Variants in LMBR1 observed in about 807,000 individuals in gnomAD.
The protein encoded by LMBR1 is limb development membrane protein 1.
A neutral mutation model predicts 73.9 loss-of-function variants in LMBR1; 52 were observed. That is an observed-to-expected ratio of 0.70 (90% CI 0.56 to 0.89). The LOEUF (loss-of-function observed/expected upper bound fraction) is 0.89, where lower values mean the gene tolerates loss of function less well. Ranked by LOEUF, LMBR1 falls within the 40% of genes least tolerant of loss-of-function variation. The probability of loss-of-function intolerance (pLI) is 0.00; values close to 1 mark genes in which losing one functional copy is unlikely to be tolerated. For synonymous variants in LMBR1, 215 were observed against 209.4 expected, an observed-to-expected ratio of 1.03 and a Z score of -0.23; for missense variants, 539 against 579.8, an observed-to-expected ratio of 0.93 and a Z score of 0.72.
chr7:156,725,648 G>T, intron 13 of LMBR1, 116 bp downstream of exon 13: 2 of 1,220,780 alleles, frequency 1.6e-6, no homozygotes, highest in Non-Finnish European at 2.3e-6. Context: ...AGTGCTTGAG[G>T]AAGACTAACC....
chr7:156,872,207 T>G (rs1799406698), intron 1 of LMBR1: 1 of 151,558 alleles, frequency 6.6e-6, no homozygotes, highest in African/African-American at 2.4e-5. Flanking sequence ...TTTTTGACAG[T>G]CTCCATGGAG....
intron 1 of LMBR1, among the ~76,000 whole-genome samples, chr7:156,891,289 T>C (rs112122409): frequency 1.7e-3 from 252 of 144,540 alleles, no homozygotes; most frequent in Non-Finnish European, 3.1e-3. Flanking sequence ...TATACACATA[T>C]ATATATTCAT....
chr7:156,819,201 A>G (rs1834376704), intron 4 of LMBR1, among the ~76,000 whole-genome samples: 1 of 152,264 alleles, frequency 6.6e-6, no homozygotes, highest in Admixed American at 6.5e-5. Flanking sequence ...CCAGAAAAGT[A>G]AAGTAGCATT....
At chr7:156,813,892 CCAGA>C (rs1833496604) in intron 4 of LMBR1, among the ~76,000 whole-genome samples, 1 of 151,958 alleles carries the variant, frequency 6.6e-6, no homozygotes, top group African/African-American at 2.4e-5. Context: ...TTTATCTTTT[CCAGA>C]CAAAGAATTG....
chr7:156,726,733 T>C (rs1305055518), intron 12 of LMBR1, among the ~76,000 whole-genome samples: 1 of 152,176 alleles, frequency 6.6e-6, no homozygotes, highest in East Asian at 1.9e-4. Flanking sequence ...ATTTGGGACC[T>C]GGTATTTGAG....
intron 1 of LMBR1, among the ~76,000 whole-genome samples, chr7:156,883,243 A>G (rs1801372839): frequency 6.6e-6 from 1 of 151,574 alleles, no homozygotes; most frequent in Non-Finnish European, 1.5e-5. Context: ...TACTGAAAAT[A>G]CAAAAATTAG....
rs890158579 is a variant in LMBR1 at position 156,893,131 on chromosome 7, G to C, written c.-138C>G. 4 of 803,116 alleles carry C rather than the reference G, an allele frequency of 5.0e-6. No homozygotes were observed. The South Asian group carries it at 1.1e-4, about 21-fold the overall frequency. The allele number at this position is 803,116 out of a possible 1,614,324, so 49.7% of individuals were successfully genotyped here. A position where few individuals can be genotyped will look rare whatever the true frequency, so the allele number is the denominator to read the frequency against. ...CGCGAGCCGTGTTGGAACAGGTACCGCGACCACGACACCGGCCGTCGCCTC... is the reference window on the plus strand; with the variant it reads ...CGCGAGCCGTGTTGGAACAGGTACCCCGACCACGACACCGGCCGTCGCCTC... On this transcript the variant is annotated 5_prime_UTR_variant, in exon 1 of 17. Coordinates refer to ENST00000353442, the MANE Select transcript of LMBR1 (RefSeq NM_022458.4).
chr7:156,828,522 G>A (rs991037191), intron 3 of LMBR1, among the ~76,000 whole-genome samples: 4 of 152,124 alleles, frequency 2.6e-5, no homozygotes, highest in African/African-American at 9.7e-5. Context: ...CAGGAAGACA[G>A]AACCTTTGTC....
intron 5 of LMBR1, among the ~76,000 whole-genome samples, chr7:156,789,370 A>G (rs1424092742): frequency 6.6e-6 from 1 of 152,192 alleles, no homozygotes; most frequent in African/African-American, 2.4e-5. Flanking sequence ...ACCAATAAAT[A>G]TTTAAGTCGT....
intron 8 of LMBR1, among the ~76,000 whole-genome samples, chr7:156,757,744 C>G (rs1045874329): frequency 6.6e-6 from 1 of 152,136 alleles, no homozygotes; most frequent in Admixed American, 6.5e-5. Flanking sequence ...TTTCAGAAAA[C>G]AGATTTTCAA....
chr7:156,688,270 A>T, intron 15 of LMBR1, 79 bp from the exon 16 acceptor site: 1 of 981,086 alleles, frequency 1.0e-6, no homozygotes, highest in African/African-American at 1.7e-5. Flanking sequence ...AGTACAAGTT[A>T]GATCGAATTC....
intron 9 of LMBR1, among the ~76,000 whole-genome samples, chr7:156,736,005 AG>A (rs1817793563): frequency 6.6e-6 from 1 of 152,228 alleles, no homozygotes; most frequent in Non-Finnish European, 1.5e-5. Context: ...GAAGAGGTCC[AG>A]GTGGCAGAAC....
Position 156,681,971 on chromosome 7 carries a change from G to T in LMBR1, c.*2107C>A, listed in dbSNP as rs886667761. The T allele has an allele frequency of 1.3e-5, 2 of 152,286 alleles. No homozygotes were observed. The highest frequency in any genetic ancestry group is 2.9e-5 in the Non-Finnish European group (2 of 68,064). 9.4% of individuals were successfully genotyped at this position (152,286 alleles called of 1,614,324 possible). A position where few individuals can be genotyped will look rare whatever the true frequency, so the allele number is the denominator to read the frequency against. On this transcript the variant is annotated 3_prime_UTR_variant, in exon 17 of 17. Transcript: ENST00000353442. ...AGGCAGATGCTTGGGCATGTGCTCA[G>T]GAAGAGCCTCGAGGAACCGTGATTA...
intron 3 of LMBR1, among the ~76,000 whole-genome samples, chr7:156,832,642 C>A (rs893091783): frequency 6.6e-6 from 1 of 152,174 alleles, no homozygotes; most frequent in Non-Finnish European, 1.5e-5. Context: ...GAATACTATT[C>A]CATTGTATGT....
In LMBR1 at chr7:156,734,149, A is replaced by G. The variant is rs199974052; in HGVS notation, c.838+28T>C. ...TTTAATAAGAAACCAAGGCCAATAC[A>G]CAAGTCAAGAAAAAAAAAGTACAAT... On this transcript the variant is annotated intron_variant, in intron 10 of 16. Coordinates refer to ENST00000353442, the MANE Select transcript of LMBR1 (RefSeq NM_022458.4). The G allele has an allele frequency of 1.1e-4, 158 of 1,431,298 alleles. 1 individual carries two copies. In the East Asian group the frequency reaches 3.6e-3, roughly 33 times the overall value. The allele number at this position is 1,431,298 out of a possible 1,614,324, so 88.7% of individuals were successfully genotyped here.
intron 5 of LMBR1, among the ~76,000 whole-genome samples, chr7:156,776,093 AT>A (rs1362173818): frequency 2.0e-5 from 3 of 148,422 alleles, no homozygotes; most frequent in African/African-American, 4.9e-5. Flanking sequence ...TATTTTATAC[AT>A]TTTTATATAT....
intron 1 of LMBR1, among the ~76,000 whole-genome samples, chr7:156,840,964 CAAAAAAAAAA>C (rs57968006): frequency 6.2e-4 from 44 of 71,436 alleles, no homozygotes; most frequent in Non-Finnish European, 5.9e-4. Flanking sequence ...GACTCGGTCT[CAAAAAAAAAA>C]AAAAAAAAAA....
intron 5 of LMBR1, among the ~76,000 whole-genome samples, chr7:156,765,533 C>T (rs1159507226): frequency 6.6e-6 from 1 of 152,168 alleles, no homozygotes; most frequent in African/African-American, 2.4e-5. Context: ...AGACAGAAAA[C>T]AGACTAATAC....
At chr7:156,692,533 T>C (rs201112882) in intron 15 of LMBR1, among the ~76,000 whole-genome samples, 1 of 152,228 alleles carries the variant, frequency 6.6e-6, no homozygotes, top group Non-Finnish European at 1.5e-5. Context: ...GAACAAAGTA[T>C]ATGAAACAAC....
Sources: gnomAD v4.1 joint callset for allele counts (sites outside exome capture counted in the v4.1 genomes callset) on GRCh38, gnomAD v4.1.1 for gene constraint, MANE v1.5 for transcripts, NCBI Gene and HGNC (gene_info 2026-07-23, HGNC 2026-07-21) for gene names.